C8A: variants seen among roughly 807,000 people sequenced by gnomAD.
C8A encodes the protein complement C8 alpha chain.
Under a neutral mutation model 65.3 loss-of-function variants are expected in C8A, and 67 were observed. The observed-to-expected ratio is 1.03, with a 90% CI of 0.84 to 1.26. C8A has a LOEUF of 1.26. C8A is among the 50% of genes most tolerant of loss of function. The pLI is 0.00. For missense variants in C8A, 781 were observed against 723.9 expected, an observed-to-expected ratio of 1.08 and a Z score of -0.90; for synonymous variants, 290 against 259.4, an observed-to-expected ratio of 1.12 and a Z score of -1.13.
rs566692351 is a variant in C8A, at chr1:56,899,489, A to G, written c.1097-7178A>G. Among the ~76,000 whole-genome samples the G allele has an allele frequency of 7.2e-5, 11 of 152,260 alleles. No individual in the cohort carries two copies. The South Asian group carries it at 1.7e-3, about 23-fold the overall frequency. On this transcript the variant is annotated intron_variant, in intron 7 of 10. Coordinates refer to ENST00000361249, the MANE Select transcript of C8A (RefSeq NM_000562.3). ...TTCTAAAATGGGACTGATCATTCCT[A>G]TTGTGGCATGATGTGTGAACACTGA...
rs1557719091 is a variant in C8A, at chr1:56,917,774, T to C, written c.*58T>C. The C allele has an allele frequency of 5.6e-6, 9 of 1,595,834 alleles. No homozygotes were observed. Among genetic ancestry groups the C allele is most frequent in the East Asian group, 2.2e-5 (1 of 44,758 alleles). On this transcript the variant is annotated 3_prime_UTR_variant, in exon 11 of 11. Transcript: ENST00000361249. ...TGGATGTCGACCCCTGCACTGACTA[T>C]TGGATAAAGACTTCTTTCAACTAAG... is the stretch of plus-strand genomic sequence containing the variant.
intron 7 of C8A, among the ~76,000 whole-genome samples, chr1:56,905,429 G>A (rs983608443): frequency 2.0e-5 from 3 of 152,076 alleles, no homozygotes; most frequent in African/African-American, 4.8e-5. Flanking sequence ...CAAAAGACTC[G>A]GGGCATTCAT....
chr1:56,916,865 G>A (rs1644556852), intron 10 of C8A, among the ~76,000 whole-genome samples: 1 of 152,236 alleles, frequency 6.6e-6, no homozygotes, highest in Non-Finnish European at 1.5e-5. Context: ...CATGTGTTCA[G>A]ATGCTCTGTG....
chr1:56,893,064 G>C (rs552626423), intron 7 of C8A, among the ~76,000 whole-genome samples: 5 of 152,036 alleles, frequency 3.3e-5, no homozygotes. Flanking sequence ...AAGATGGCAG[G>C]CAGTGTGATA....
In C8A at chr1:56,917,836, GC is replaced by G; in HGVS notation, c.*122del. On this transcript the variant is annotated 3_prime_UTR_variant, in exon 11 of 11. Coordinates refer to ENST00000361249, the MANE Select transcript of C8A (RefSeq NM_000562.3). ...ATCAGCACACTTTTTTCTTTGTTCTGCCAGCTTCCAGGCCTAAGACTAGGTT... is the reference window on the plus strand; with the variant it reads ...ATCAGCACACTTTTTTCTTTGTTCTGCAGCTTCCAGGCCTAAGACTAGGTT... 7.9e-7 allele frequency: 1 copy of G among 1,270,700 alleles called. No homozygotes were observed. Among genetic ancestry groups the G allele is most frequent in the Non-Finnish European group, 1.1e-6 (1 of 897,464 alleles). 78.7% of individuals were successfully genotyped at this position (1,270,700 alleles called of 1,614,324 possible).
chr1:56,916,437 A>AC (rs1357607974), intron 10 of C8A, among the ~76,000 whole-genome samples: 1 of 152,110 alleles, frequency 6.6e-6, no homozygotes, highest in East Asian at 1.9e-4. Flanking sequence ...TTCCCAGTAA[A>AC]CCTTTGCCTA....
rs189130495 is a variant in C8A at position 56,860,899 on chromosome 1, G to A, written c.77+5921G>A. Among the ~76,000 whole-genome samples the A allele has an allele frequency of 1.3e-4, 20 of 152,280 alleles. 1 individual carries two copies. Among genetic ancestry groups the A allele is most frequent in the Admixed American group, 7.8e-4 (12 of 15,304 alleles). ...GCCAGAGGCAGGAAGAGAGTGAGGAGGAATTGTGCTGAAGAAGTCCAAGAG... is the reference window on the plus strand; with the variant it reads ...GCCAGAGGCAGGAAGAGAGTGAGGAAGAATTGTGCTGAAGAAGTCCAAGAG... On this transcript the variant is annotated intron_variant, in intron 1 of 10. Transcript: ENST00000361249.
rs1557701525 is a variant in C8A, at chr1:56,876,114, TG to T, written c.371del (p.Gly124AlafsTer36). 1 of 1,613,870 alleles carries T rather than the reference TG, an allele frequency of 6.2e-7. No individual in the cohort carries two copies. The highest frequency in any genetic ancestry group is 1.1e-5 in the South Asian group (1 of 91,076). On this transcript the variant is annotated frameshift_variant, in exon 4 of 11. Coordinates refer to ENST00000361249, the MANE Select transcript of C8A (RefSeq NM_000562.3). LOFTEE classifies it high-confidence loss of function. Reference sequence around the variant, plus strand: ...GTAATGGAGACCAGGACTGCCTTGATGGCTCTGATGAGGACGACTGTGAAGA... The same window carrying T: ...GTAATGGAGACCAGGACTGCCTTGATGCTCTGATGAGGACGACTGTGAAGA... ...VCNGDQDCLD[G>X]SDEDDCEDVR... is the part of the protein sequence containing the mutation.
chr1:56,856,874 A>T (rs1248297054), intron 1 of C8A, among the ~76,000 whole-genome samples: 1 of 151,956 alleles, frequency 6.6e-6, no homozygotes, highest in Non-Finnish European at 1.5e-5. Flanking sequence ...ATTTGAGAAA[A>T]ACATTTTAAA....
chr1:56,906,809 A>G lies in C8A; in HGVS notation c.1222+17A>G. 1 of 1,613,964 alleles carries G rather than the reference A, an allele frequency of 6.2e-7. No homozygotes were observed. Among genetic ancestry groups the G allele is most frequent in the Non-Finnish European group, 8.5e-7 (1 of 1,179,872 alleles). On this transcript the variant is annotated intron_variant, in intron 8 of 10. Coordinates refer to ENST00000361249, the MANE Select transcript of C8A (RefSeq NM_000562.3). ...GCAAAACTGGCAAGTGTTTAGTAATAGATCTCCCAAAAAGAGAAGCCAGGC... is the reference window on the plus strand; with the variant it reads ...GCAAAACTGGCAAGTGTTTAGTAATGGATCTCCCAAAAAGAGAAGCCAGGC...
At chr1:56,888,807 C>T (rs532022815) in intron 7 of C8A, among the ~76,000 whole-genome samples, 1 of 152,230 alleles carries the variant, frequency 6.6e-6, no homozygotes, top group South Asian at 2.1e-4. Flanking sequence ...TGCACATATT[C>T]TCATTTAATT....
intron 9 of C8A, among the ~76,000 whole-genome samples, chr1:56,910,509 G>A (rs1644497063): frequency 6.6e-6 from 1 of 152,194 alleles, no homozygotes; most frequent in East Asian, 1.9e-4. Context: ...GGAACTGGAT[G>A]CAGAGCCCCA....
At chr1:56,912,355 G>C (rs1239241506) in intron 9 of C8A, 48 bp from the exon 10 acceptor site, 1 of 1,565,668 alleles carries the variant, frequency 6.4e-7, no homozygotes, top group South Asian at 1.1e-5. Flanking sequence ...GCTCTGGGAA[G>C]GTAGATAGAG....
At chr1:56,917,530 C>T (rs780728767) in intron 10 of C8A, 35 bp from the exon 11 acceptor site, 2 of 1,613,378 alleles carry the variant, frequency 1.2e-6, no homozygotes, top group Non-Finnish European at 1.7e-6. Context: ...TAGCCATATG[C>T]TAACCTTCTC....
intron 7 of C8A, among the ~76,000 whole-genome samples, chr1:56,898,434 C>T (rs1394658780): frequency 6.6e-6 from 1 of 152,172 alleles, no homozygotes; most frequent in Non-Finnish European, 1.5e-5. Flanking sequence ...TACTGAGCAA[C>T]GTACTGGTCC....
intron 4 of C8A, among the ~76,000 whole-genome samples, chr1:56,877,274 C>T (rs1644207352): frequency 6.6e-6 from 1 of 151,946 alleles, no homozygotes; most frequent in African/African-American, 2.4e-5. Flanking sequence ...TTGTGGCAGC[C>T]CCTGCAGACT....
intron 7 of C8A, 50 bp downstream of exon 7, chr1:56,886,217 GT>G (rs1644299332): frequency 6.2e-7 from 1 of 1,610,466 alleles, no homozygotes; most frequent in African/African-American, 1.3e-5. Flanking sequence ...CAGACACCAG[GT>G]CATGGTTTGA....
At chr1:56,878,966 T>C (rs1430732414) in intron 4 of C8A, among the ~76,000 whole-genome samples, 1 of 152,206 alleles carries the variant, frequency 6.6e-6, no homozygotes, top group Non-Finnish European at 1.5e-5. Flanking sequence ...TTTTAAGTTT[T>C]CCCCCAAATT....
chr1:56,907,841 T>C, intron 8 of C8A, 115 bp from the exon 9 acceptor site: 8 of 1,247,672 alleles, frequency 6.4e-6, no homozygotes, highest in South Asian at 2.5e-5. Flanking sequence ...AGAAGAATGG[T>C]AAACATCTAA....
Sources: allele counts gnomAD v4.1 joint callset (sites outside exome capture counted in the v4.1 genomes callset), GRCh38; gene constraint gnomAD v4.1.1; transcripts MANE v1.5; gene names NCBI Gene and HGNC (gene_info 2026-07-23, HGNC 2026-07-21).